Variants in SNX29 observed in about 807,000 individuals in gnomAD.
SNX29 encodes the protein sorting nexin 29, also known as sorting nexin-29.
A neutral mutation model predicts 102.1 loss-of-function variants in SNX29; 78 were observed. The observed-to-expected ratio is 0.76, with a 90% confidence interval of 0.64 to 0.92. The LOEUF (loss-of-function observed/expected upper bound fraction) is 0.92, where lower values mean the gene tolerates loss of function less well. SNX29 is among the 40% of genes least tolerant of loss of function. SNX29 has a pLI of 0.00. For missense variants in SNX29, 1,280 were observed against 1,061.7 expected, an observed-to-expected ratio of 1.21 and a Z score of -2.86; for synonymous variants, 580 against 414.5, an observed-to-expected ratio of 1.40 and a Z score of -4.85.
intron 3 of SNX29, among the ~76,000 whole-genome samples, chr16:12,018,146 G>A (rs184208443): frequency 6.6e-6 from 1 of 152,052 alleles, no homozygotes; most frequent in Non-Finnish European, 1.5e-5. Context: ...ACATTAATTT[G>A]GGAAAAATTG....
chr16:12,091,014 C>CAAAAAAAAAAAAAAAAAAA (rs58933500), intron 11 of SNX29, among the ~76,000 whole-genome samples: 19 of 53,400 alleles, frequency 3.6e-4, no homozygotes, highest in South Asian at 8.1e-4. Flanking sequence ...GACTTCATCT[C>CAAAAAAAAAAAAAAAAAAA]AAAAAAAAAA....
At chr16:12,564,051 G>A (rs530794783) in intron 20 of SNX29, among the ~76,000 whole-genome samples, 2 of 146,142 alleles carry the variant, frequency 1.4e-5, no homozygotes, top group South Asian at 4.5e-4. Context: ...AAAGGTTGTG[G>A]TTTGGCAACG....
At chr16:12,105,613 TTTC>T (rs2141228258) in intron 11 of SNX29, among the ~76,000 whole-genome samples, 1 of 152,274 alleles carries the variant, frequency 6.6e-6, no homozygotes, top group Non-Finnish European at 1.5e-5. Flanking sequence ...TATATGTGAT[TTTC>T]TTCTTTTCTA....
At position 12,100,403 on chromosome 16, in the gene SNX29, A is replaced by G. The variant is rs80273650; in HGVS notation, c.1402+21488A>G. On this transcript the variant is annotated intron_variant, in intron 11 of 20. Transcript: ENST00000566228. ...CCAGCGTCCTCCAGGGGAGCGGGGT[A>G]GGTAAAACTGCCCTTGGTTGAAACC... 7.3e-3 allele frequency among the ~76,000 whole-genome samples: 1,117 copies of G among 152,250 alleles called. 6 individuals are homozygous for G. Among genetic ancestry groups the G allele is most frequent in the South Asian group, 0.027 (132 of 4,814 alleles).
intron 19 of SNX29, among the ~76,000 whole-genome samples, chr16:12,504,180 T>C (rs2089262837): frequency 6.6e-6 from 1 of 152,216 alleles, no homozygotes; most frequent in Non-Finnish European, 1.5e-5. Context: ...GAGTGGCTTC[T>C]TAGCATAATA....
intron 14 of SNX29, among the ~76,000 whole-genome samples, chr16:12,252,967 A>T (rs1442852086): frequency 6.6e-6 from 1 of 152,162 alleles, no homozygotes; most frequent in African/African-American, 2.4e-5. Context: ...GGCAGCTGGG[A>T]TAGGAGTGGG....
At chr16:12,139,777 A>G (rs942458126) in intron 13 of SNX29, among the ~76,000 whole-genome samples, 1 of 152,168 alleles carries the variant, frequency 6.6e-6, no homozygotes, top group East Asian at 1.9e-4. Context: ...GCTTGAGCCC[A>G]GGAGACCAGC....
At chr16:11,998,677 C>G (rs1367987007) in intron 1 of SNX29, among the ~76,000 whole-genome samples, 2 of 152,174 alleles carry the variant, frequency 1.3e-5, no homozygotes, top group Non-Finnish European at 2.9e-5. Flanking sequence ...CATAGCTCTT[C>G]TTTCTATCAG....
intron 11 of SNX29, among the ~76,000 whole-genome samples, chr16:12,102,550 C>A (rs1020255775): frequency 9.2e-5 from 14 of 152,116 alleles, no homozygotes; most frequent in African/African-American, 3.4e-4. Flanking sequence ...TGTTTGTTGG[C>A]CACATAAATG....
At chr16:12,498,077 C>T (rs559740747) in intron 19 of SNX29, among the ~76,000 whole-genome samples, 3 of 152,238 alleles carry the variant, frequency 2.0e-5, no homozygotes, top group Admixed American at 1.3e-4. Context: ...GGGGAAGGGT[C>T]AGAACTGAGG....
intron 15 of SNX29, among the ~76,000 whole-genome samples, chr16:12,341,896 G>A (rs2081620798): frequency 1.3e-5 from 2 of 152,190 alleles, no homozygotes; most frequent in Admixed American, 6.5e-5. Context: ...CCCATTGTAG[G>A]GATTAGAGCA....
intron 20 of SNX29, among the ~76,000 whole-genome samples, chr16:12,555,292 C>G (rs146371332): frequency 6.6e-6 from 1 of 151,366 alleles, no homozygotes; most frequent in Non-Finnish European, 1.5e-5. Context: ...AGCAGGGGTG[C>G]TGTCCAGTCA....
In SNX29 at chr16:12,199,625, AC is replaced by A; in HGVS notation, c.1621del (p.Leu541Ter). The A allele has an allele frequency of 6.2e-7, 1 of 1,613,244 alleles. No individual in the cohort carries two copies. Among genetic ancestry groups the A allele is most frequent in the Non-Finnish European group, 8.5e-7 (1 of 1,179,562 alleles). The stretch of plus-strand genomic sequence containing the variant: ...GAGAGAACGAGGTGCTCAAAGTCCA[AC>A]TGAAGAAATATGTAGGAGCTGTCCA... ...ARENEVLKVQ[L>X]KKYVGAVQML... On this transcript the variant is annotated frameshift_variant, in exon 14 of 21. Transcript: ENST00000566228. LOFTEE classifies it high-confidence loss of function.
At chr16:12,097,218 T>C (rs1332255081) in intron 11 of SNX29, among the ~76,000 whole-genome samples, 1 of 152,220 alleles carries the variant, frequency 6.6e-6, no homozygotes, top group African/African-American at 2.4e-5. Context: ...CTGTGAGAGC[T>C]TGCGGTGATC....
At chr16:12,378,623 A>G (rs1024595782) in intron 16 of SNX29, among the ~76,000 whole-genome samples, 6 of 152,278 alleles carry the variant, frequency 3.9e-5, no homozygotes, top group African/African-American at 1.4e-4. Context: ...CCAGCACCCA[A>G]ACACCTCTCA....
intron 16 of SNX29, among the ~76,000 whole-genome samples, chr16:12,379,186 T>C (rs1368706683): frequency 6.6e-6 from 1 of 152,220 alleles, no homozygotes; most frequent in Non-Finnish European, 1.5e-5. Context: ...GCTCTTTTTC[T>C]CAAGCAGGGG....
intron 11 of SNX29, among the ~76,000 whole-genome samples, chr16:12,109,141 A>AG (rs1351156860): frequency 5.3e-5 from 8 of 149,738 alleles, no homozygotes; most frequent in African/African-American, 2.0e-4. Flanking sequence ...AAAAAAAAAA[A>AG]AAAAAAAAAA....
intron 15 of SNX29, among the ~76,000 whole-genome samples, chr16:12,298,714 T>TGG (rs1186246461): frequency 2.0e-5 from 3 of 152,174 alleles, no homozygotes; most frequent in Non-Finnish European, 4.4e-5. Flanking sequence ...CTCCCATGGC[T>TGG]GGGAGGACCC....
Position 12,572,541 on chromosome 16 carries a change from G to A in SNX29, c.*3912G>A, listed in dbSNP as rs570585497. On this transcript the variant is annotated 3_prime_UTR_variant, in exon 21 of 21. Coordinates refer to ENST00000566228, the MANE Select transcript of SNX29 (RefSeq NM_032167.5). ...TGCTCAAGCCCCCACAGGGGGCTGC[G>A]ACACCATCTGGCTCCTCACAGGGAG... The A allele has an allele frequency of 2.1e-5, 22 of 1,063,396 alleles. No homozygotes were observed. Among genetic ancestry groups the A allele is most frequent in the African/African-American group, 1.5e-4 (9 of 61,036 alleles). The allele number at this position is 1,063,396 out of a possible 1,614,324, so 65.9% of individuals were successfully genotyped here. A position where few individuals can be genotyped will look rare whatever the true frequency, so the allele number is the denominator to read the frequency against.
Sources: gnomAD v4.1 joint callset for allele counts (sites outside exome capture counted in the v4.1 genomes callset) on GRCh38, gnomAD v4.1.1 for gene constraint, MANE v1.5 for transcripts, NCBI Gene and HGNC (gene_info 2026-07-23, HGNC 2026-07-21) for gene names.